DMBT1: variants seen among roughly 807,000 people sequenced by gnomAD.
DMBT1 encodes the protein scavenger receptor cysteine-rich domain-containing protein DMBT1.
In DMBT1, 198 loss-of-function variants were observed where a neutral mutation model predicts 252.9. That is an observed-to-expected ratio of 0.78 (90% CI 0.70 to 0.88). The LOEUF (loss-of-function observed/expected upper bound fraction) is 0.88. DMBT1 is among the 40% of genes least tolerant of loss of function. The pLI, the probability that DMBT1 is intolerant of heterozygous loss-of-function variation, is 0.00. For missense variants in DMBT1, 2,432 were observed against 2,404.7 expected (o/e 1.01, Z -0.24); for synonymous variants, 990 against 942.7 (o/e 1.05, Z -0.92).
chr10:122,564,649 A>G (rs1437996027), intron 1 of DMBT1, among the ~76,000 whole-genome samples: 8 of 151,932 alleles, frequency 5.3e-5, no homozygotes, highest in Admixed American at 5.2e-4. Flanking sequence ...TTTTTTAGCA[A>G]AATAAGATGG....
intron 2 of DMBT1, among the ~76,000 whole-genome samples, chr10:122,568,416 C>T (rs188907050): frequency 2.3e-4 from 35 of 152,090 alleles, no homozygotes; most frequent in African/African-American, 8.0e-4. Flanking sequence ...GGGGAAAATA[C>T]AGAATGAGAA....
intron 44 of DMBT1, among the ~76,000 whole-genome samples, chr10:122,621,730 G>A (rs2098071378): frequency 6.6e-6 from 1 of 152,228 alleles, no homozygotes; most frequent in Non-Finnish European, 1.5e-5. Context: ...CGGGGCAGAG[G>A]AGGGATCCTC....
chr10:122,618,061 A>G lies in DMBT1; in HGVS notation c.4936A>G (p.Arg1646Gly). The change falls in exon 41 of 56, where the codon AGG becomes GGG. Residue 1646 changes from arginine (R) to glycine (G), a missense_variant. Arg to Gly is a moderately radical substitution (Grantham distance 125). This residue lies in a region of DMBT1 where 1,162 missense variants were observed against 1,169.0 expected (regional missense o/e 0.99). Transcript: ENST00000338354. ...CCTGAGACTGGTGAATGGAGGTGAC[A>G]GGTGTCGAGGCCGAGTGGAGGTCCT... is the stretch of plus-strand genomic sequence containing the variant. ...LALRLVNGGDRCRGRVEVLYQ... is the reference protein window; with the variant it reads ...LALRLVNGGDGCRGRVEVLYQ... The G allele has an allele frequency of 1.9e-6, 3 of 1,613,570 alleles. No individual in the cohort carries two copies. Among genetic ancestry groups the G allele is most frequent in the Non-Finnish European group, 2.5e-6 (3 of 1,179,790 alleles).
chr10:122,575,416 A>G (rs1418409675), intron 6 of DMBT1, among the ~76,000 whole-genome samples: 2 of 152,220 alleles, frequency 1.3e-5, no homozygotes, highest in East Asian at 3.8e-4. Context: ...TTTACACAGC[A>G]AGACAATATC....
intron 49 of DMBT1, among the ~76,000 whole-genome samples, 182 bp from the exon 50 acceptor site, chr10:122,631,673 G>A (rs552100478): frequency 1.3e-5 from 2 of 152,172 alleles, no homozygotes; most frequent in African/African-American, 4.8e-5. Flanking sequence ...CAAGTATGAC[G>A]GGACTTAGGG....
intron 1 of DMBT1, among the ~76,000 whole-genome samples, chr10:122,564,326 G>A (rs2097571860): frequency 2.6e-5 from 4 of 152,164 alleles, no homozygotes; most frequent in Admixed American, 6.5e-5. Flanking sequence ...CTGAAGAGCC[G>A]GGCATGGTGA....
At chr10:122,579,539 T>C (rs1227308665) in intron 9 of DMBT1, 39 bp from the exon 10 acceptor site, 3 of 1,612,070 alleles carry the variant, frequency 1.9e-6, no homozygotes, top group Non-Finnish European at 2.5e-6. Context: ...CTTGACCTCA[T>C]GATAGGGATG....
At chr10:122,631,550 C>T (rs1009241832) in intron 49 of DMBT1, among the ~76,000 whole-genome samples, 22 of 152,170 alleles carry the variant, frequency 1.4e-4, no homozygotes, top group Middle Eastern at 3.2e-3. Flanking sequence ...ACTGTTGAGT[C>T]GGGGTGGCTA....
chr10:122,576,253 C>T, intron 6 of DMBT1, 146 bp from the exon 7 acceptor site: 1 of 1,240,226 alleles, frequency 8.1e-7, no homozygotes, highest in Non-Finnish European at 1.1e-6. Context: ...ATGAAGAACT[C>T]TAACCTTAAG....
intron 26 of DMBT1, among the ~76,000 whole-genome samples, 157 bp from the exon 27 acceptor site, chr10:122,599,907 G>A (rs1326895931): frequency 6.6e-6 from 1 of 152,148 alleles, no homozygotes; most frequent in Non-Finnish European, 1.5e-5. Flanking sequence ...CTTACATGGT[G>A]CATCTCTGTG....
At chr10:122,618,982 G>A (rs944885085) in intron 41 of DMBT1, among the ~76,000 whole-genome samples, 1 of 152,242 alleles carries the variant, frequency 6.6e-6, no homozygotes, top group African/African-American at 2.4e-5. Context: ...GATCACACAA[G>A]GCATTTGGGC....
At position 122,640,420 on chromosome 10, in the gene DMBT1, G is replaced by T; in HGVS notation, c.7323G>T (p.Thr2441=). 1.2e-6 allele frequency: 2 copies of T among 1,613,668 alleles called. No individual in the cohort carries two copies. The highest frequency in any genetic ancestry group is 1.7e-6 in the Non-Finnish European group (2 of 1,179,806). ...CVASPYSNDF[T]SLTYDLIRSG... The stretch of plus-strand genomic sequence containing the variant: ...CATCACCATACTCCAATGACTTCAC[G>T]TCTTTGACTTATGATCTAATCCGGA... The change falls in exon 55 of 56, where the codon ACG becomes ACT. Residue 2441 remains threonine, a synonymous_variant. Coordinates refer to ENST00000338354, the MANE Select transcript of DMBT1 (RefSeq NM_001377530.1).
At chr10:122,619,242 T>G in intron 41 of DMBT1, 66 bp from the exon 42 acceptor site, 1 of 1,604,798 alleles carries the variant, frequency 6.2e-7, no homozygotes, top group Non-Finnish European at 8.5e-7. Context: ...TCCTTCTATC[T>G]TTGTTCCAGT....
In DMBT1 at chr10:122,576,535, T is replaced by C. The variant is rs551105738; in HGVS notation, c.420T>C (p.Cys140=). Residue 140 remains cysteine (C), a synonymous_variant, in exon 7 of 56, where the codon TGT becomes TGC. Transcript: ENST00000338354. ...ACACCAATGATGCCAACGTGGTCTGTAGGCAGCTGGGTTGTGGCTGGGCCA... is the reference window on the plus strand; with the variant it reads ...ACACCAATGATGCCAACGTGGTCTGCAGGCAGCTGGGTTGTGGCTGGGCCA... ...SWDTNDANVV[C]RQLGCGWAMS... 4 of 1,613,818 alleles carry C rather than the reference T, an allele frequency of 2.5e-6. No homozygotes were observed. The highest frequency in any genetic ancestry group is 2.5e-6 in the Non-Finnish European group (3 of 1,179,866).
At chr10:122,590,741 C>A in intron 18 of DMBT1, 47 bp downstream of exon 18, 1 of 1,572,314 alleles carries the variant, frequency 6.4e-7, no homozygotes, top group Non-Finnish European at 8.7e-7. Context: ...TCTTTCTGCA[C>A]AATTATCCTT....
intron 14 of DMBT1, among the ~76,000 whole-genome samples, chr10:122,584,746 T>C (rs12779313): frequency 0.089 from 13,191 of 148,608 alleles, 1,503 homozygotes; most frequent in South Asian, 0.16. Flanking sequence ...GCTGCCGCCA[T>C]GGGCAAGCAA....
At chr10:122,617,601 G>C (rs1444004460) in intron 40 of DMBT1, among the ~76,000 whole-genome samples, 1 of 151,600 alleles carries the variant, frequency 6.6e-6, no homozygotes, top group Non-Finnish European at 1.5e-5. Flanking sequence ...GAAAATTTCT[G>C]TCCCTGCAGC....
At chr10:122,639,301 T>C (rs535614537) in intron 54 of DMBT1, among the ~76,000 whole-genome samples, 1 of 152,338 alleles carries the variant, frequency 6.6e-6, no homozygotes, top group East Asian at 1.9e-4. Flanking sequence ...AGAAGGGTCA[T>C]ACTGTCATGT....
intron 25 of DMBT1, 44 bp downstream of exon 25, chr10:122,598,056 C>G: frequency 1.9e-6 from 3 of 1,612,952 alleles, no homozygotes; most frequent in Non-Finnish European, 1.7e-6. Context: ...CTCTCTACCT[C>G]TGGACAAATG....
Sources: allele counts gnomAD v4.1 joint callset (sites outside exome capture counted in the v4.1 genomes callset), GRCh38; gene constraint gnomAD v4.1.1; regional missense constraint gnomAD v4.1.1; transcripts MANE v1.5; gene names NCBI Gene and HGNC (gene_info 2026-07-23, HGNC 2026-07-21).